Variants in IFT74 observed in about 807,000 individuals in gnomAD.
IFT74 encodes the protein intraflagellar transport protein 74 homolog.
IFT74 carries 92 observed loss-of-function variants against 96.7 expected under a neutral mutation model. The ratio of observed to expected loss-of-function variants is 0.95; its 90% CI spans 0.80 to 1.13. The LOEUF is 1.13. Among genes scored for constraint, IFT74 ranks in the 50% most tolerant of loss-of-function variants. The pLI, the probability that IFT74 is intolerant of heterozygous loss-of-function variation, is 0.00. For missense variants in IFT74, 811 were observed against 698.2 expected (o/e 1.16, Z -1.82); for synonymous variants, 223 against 213.2 (o/e 1.05, Z -0.40).
chr9:26,973,661 G>A (rs150056770), intron 2 of IFT74, among the ~76,000 whole-genome samples: 76 of 152,282 alleles, frequency 5.0e-4, no homozygotes, highest in Middle Eastern at 3.4e-3. Context: ...AATTGAATGT[G>A]AGTTAATAGA....
chr9:27,009,165 C>G lies in IFT74; in HGVS notation c.726+7C>G. On this transcript the variant is annotated splice_region_variant and intron_variant, in intron 9 of 19. Coordinates refer to ENST00000380062, the MANE Select transcript of IFT74 (RefSeq NM_025103.4). ...AAATGAGAAACTGTTACAGGTAATA[C>G]AAATTACTGCTGTGTGCCAAGCATG... 1 of 1,608,836 alleles carries G rather than the reference C, an allele frequency of 6.2e-7. No individual in the cohort carries two copies. Among genetic ancestry groups the G allele is most frequent in the Non-Finnish European group, 8.5e-7 (1 of 1,177,316 alleles).
chr9:26,959,677 G>A (rs963894744), intron 1 of IFT74, among the ~76,000 whole-genome samples: 4 of 152,162 alleles, frequency 2.6e-5, no homozygotes, highest in African/African-American at 4.8e-5. Context: ...CAGGATGGAT[G>A]TAGAGAAGTT....
intron 9 of IFT74, among the ~76,000 whole-genome samples, chr9:27,010,876 T>C (rs1026458247): frequency 6.6e-6 from 1 of 152,212 alleles, no homozygotes; most frequent in East Asian, 1.9e-4. Context: ...TACTCAGTCA[T>C]GGTGGTTCCC....
chr9:27,052,907 G>C (rs976075631), intron 16 of IFT74, among the ~76,000 whole-genome samples: 4 of 152,042 alleles, frequency 2.6e-5, no homozygotes, highest in Non-Finnish European at 4.4e-5. Flanking sequence ...CTGTCGCCCA[G>C]GCTGGAGTGC....
chr9:27,014,223 A>T lies in IFT74; in HGVS notation c.789+2255A>T, dbSNP rs939942022. Among the ~76,000 whole-genome samples the T allele has an allele frequency of 6.6e-5, 10 of 151,316 alleles. No homozygotes were observed. The East Asian group carries it at 1.9e-3, about 29-fold the overall frequency. On this transcript the variant is annotated intron_variant, in intron 10 of 19. Coordinates refer to ENST00000380062, the MANE Select transcript of IFT74 (RefSeq NM_025103.4). ...GAGCAAGATTCTGTCTAAAAAAAGT[A>T]AAAAAAAAGCAGGTAGTTTTCTGTG...
chr9:27,060,569 T>G, intron 18 of IFT74, 22 bp from the exon 19 acceptor site: 1 of 1,544,432 alleles, frequency 6.5e-7, no homozygotes, highest in Non-Finnish European at 8.9e-7. Flanking sequence ...TCCTAATTAA[T>G]ATTTTTCTTT....
chr9:26,966,464 G>A (rs545276973), intron 2 of IFT74, among the ~76,000 whole-genome samples: 1 of 152,028 alleles, frequency 6.6e-6, no homozygotes, highest in Non-Finnish European at 1.5e-5. Flanking sequence ...TTTGACGTTT[G>A]TATATCTTCT....
At chr9:27,034,498 CAG>C (rs1265880286) in intron 13 of IFT74, among the ~76,000 whole-genome samples, 2 of 152,096 alleles carry the variant, frequency 1.3e-5, no homozygotes, top group African/African-American at 4.8e-5. Context: ...ATGTTAAAGA[CAG>C]AATACTTTTA....
chr9:26,998,283 AT>A (rs1488394592), intron 8 of IFT74: 6 of 1,175,750 alleles, frequency 5.1e-6, no homozygotes, highest in Non-Finnish European at 6.9e-6. Context: ...CAGAAAAAAA[AT>A]TAATAGAATT....
chr9:26,947,220 G>T (rs1825765190), intron 1 of IFT74: 8 of 679,906 alleles, frequency 1.2e-5, no homozygotes, highest in Middle Eastern at 4.1e-4. Flanking sequence ...CGCGCCGAGC[G>T]GGCCGAGTGA....
intron 14 of IFT74, 46 bp downstream of exon 14, chr9:27,044,841 G>T (rs766008580): frequency 5.2e-6 from 6 of 1,156,018 alleles, no homozygotes; most frequent in Non-Finnish European, 6.2e-6. Flanking sequence ...TTTTCAGATT[G>T]CTGTTCATTT....
At chr9:26,979,047 C>T (rs1827244328) in intron 3 of IFT74, among the ~76,000 whole-genome samples, 1 of 151,988 alleles carries the variant, frequency 6.6e-6, no homozygotes, top group South Asian at 2.1e-4. Context: ...GTATTTTTGA[C>T]AGATGATCTA....
chr9:27,025,456 A>G (rs888830249), intron 12 of IFT74, among the ~76,000 whole-genome samples: 4 of 151,212 alleles, frequency 2.6e-5, no homozygotes, highest in African/African-American at 9.7e-5. Context: ...AAAAAAAAAA[A>G]AAAAAAAGAA....
chr9:27,048,755 T>A (rs147254386), intron 16 of IFT74, among the ~76,000 whole-genome samples: 8 of 151,972 alleles, frequency 5.3e-5, no homozygotes, highest in Non-Finnish European at 1.2e-4. Flanking sequence ...AAGTTAGGAG[T>A]CTATGTTTAT....
At chr9:26,995,881 A>G (rs1828127824) in intron 8 of IFT74, 1 of 1,506,590 alleles carries the variant, frequency 6.6e-7, no homozygotes, top group Non-Finnish European at 8.9e-7. Flanking sequence ...GGAGAGAGAA[A>G]GAAAATTTGT....
intron 13 of IFT74, among the ~76,000 whole-genome samples, chr9:27,043,395 G>T (rs1819557082): frequency 6.6e-6 from 1 of 152,148 alleles, no homozygotes; most frequent in South Asian, 2.1e-4. Flanking sequence ...TTCACTTAAT[G>T]CCAAGCAAGT....
rs1820582707 is a variant in IFT74, at chr9:27,065,644, G to GGA, written c.*2910_*2911dup. ...GTGCCTGCTTAGAGGATTACAGCAT[G>GGA]GAGTAATCATATTCACACCAGAGAT... is the stretch of plus-strand genomic sequence containing the variant. On this transcript the variant is annotated 3_prime_UTR_variant, in exon 20 of 20. Transcript: ENST00000380062. Among the ~76,000 whole-genome samples the GGA allele has an allele frequency of 6.6e-6, 1 of 152,110 alleles. No homozygotes were observed. Among genetic ancestry groups the GGA allele is most frequent in the South Asian group, 2.1e-4 (1 of 4,826 alleles).
At chr9:26,959,458 G>T (rs1826260957) in intron 1 of IFT74, among the ~76,000 whole-genome samples, 1 of 152,148 alleles carries the variant, frequency 6.6e-6, no homozygotes, top group South Asian at 2.1e-4. Context: ...AGGATGTATG[G>T]GACAGTTAGA....
At chr9:26,947,130 G>A (rs763977317) in exon 1 of IFT74, 5 of 1,383,982 alleles carry the variant, frequency 3.6e-6, no homozygotes, top group Non-Finnish European at 2.8e-6. Context: ...GGGCCGCGGC[G>A]GGAGAAGAGC....
Sources: gnomAD v4.1 joint callset for allele counts (sites outside exome capture counted in the v4.1 genomes callset) on GRCh38, gnomAD v4.1.1 for gene constraint, MANE v1.5 for transcripts, NCBI Gene and HGNC (gene_info 2026-07-23, HGNC 2026-07-21) for gene names.